Variants in GK5 observed in about 807,000 individuals in gnomAD.
GK5 encodes glycerol kinase 5, also known as ATP:glycerol 3-phosphotransferase 5.
GK5 carries 39 observed loss-of-function variants against 77.3 expected under a neutral mutation model. The ratio of observed to expected loss-of-function variants is 0.50; its 90% CI spans 0.39 to 0.66. The LOEUF is 0.66. Among genes scored for constraint, GK5 ranks in the 30% least tolerant of loss-of-function variants. The probability of loss-of-function intolerance (pLI) is 0.00; values close to 1 mark genes in which losing one functional copy is unlikely to be tolerated. For missense variants in GK5, 487 were observed against 633.8 expected, an observed-to-expected ratio of 0.77 and a Z score of 2.49; for synonymous variants, 211 against 208.0, an observed-to-expected ratio of 1.01 and a Z score of -0.13.
Position 142,161,384 on chromosome 3 carries a change from T to C in GK5, c.*4238A>G, listed in dbSNP as rs1017328709. 2 of 152,212 alleles carry C rather than the reference T, an allele frequency of 1.3e-5. No individual in the cohort carries two copies. Among genetic ancestry groups the C allele is most frequent in the Non-Finnish European group, 1.5e-5 (1 of 68,048 alleles). The allele number at this position is 152,212 out of a possible 1,614,324, so 9.4% of individuals were successfully genotyped here. A position where few individuals can be genotyped will look rare whatever the true frequency, so the allele number is the denominator to read the frequency against. On this transcript the variant is annotated 3_prime_UTR_variant, in exon 16 of 16. Transcript: ENST00000392993. ...TCCCAAAGTGCTGGGAAGAGTATAG[T>C]TCTTCTTAATCCAACAAAAAAGTAT...
intron 11 of GK5, 61 bp downstream of exon 11, chr3:142,181,400 C>G (rs1164633141): frequency 1.4e-5 from 13 of 932,418 alleles, no homozygotes; most frequent in Non-Finnish European, 2.2e-5. Context: ...AATCTGCAAT[C>G]CTGTGGCATT....
chr3:142,178,807 T>G (rs1361728408), intron 11 of GK5, among the ~76,000 whole-genome samples: 3 of 152,212 alleles, frequency 2.0e-5, no homozygotes, highest in Non-Finnish European at 4.4e-5. Context: ...AGTTCTAAGG[T>G]CTTCACATTT....
rs747274127 is a variant in GK5, at chr3:142,225,420, C to A, written c.36G>T (p.Ala12=). The A allele has an allele frequency of 1.9e-6, 3 of 1,601,480 alleles. No homozygotes were observed. The highest frequency in any genetic ancestry group is 2.5e-6 in the Non-Finnish European group (3 of 1,176,756). ...CGAAGCCGGGGTACCGCGGCTCCTGCGCTCTCTGCTCCGGGTCCGTGAGCA... is the reference window on the plus strand; with the variant it reads ...CGAAGCCGGGGTACCGCGGCTCCTGAGCTCTCTGCTCCGGGTCCGTGAGCA... ...SGLLTDPEQR[A]QEPRYPGFVL... is the part of the protein sequence containing the mutation. Residue 12 remains alanine, a synonymous_variant, in exon 1 of 16, where the codon GCG becomes GCT. Transcript: ENST00000392993.
rs143338048 is a variant in GK5 at position 142,195,654 on chromosome 3, G to C, written c.543+3148C>G. Among the ~76,000 whole-genome samples, 142 of 152,254 alleles carry C rather than the reference G, an allele frequency of 9.3e-4. 1 individual carries two copies. The highest frequency in any genetic ancestry group is 3.3e-3 in the African/African-American group (136 of 41,556). ...GGCATGAGCCACCACACCCAGCCTT[G>C]TTGAGGATTTTTGCATTTGTATTCA... On this transcript the variant is annotated intron_variant, in intron 5 of 15. Coordinates refer to ENST00000392993, the MANE Select transcript of GK5 (RefSeq NM_001039547.3).
At chr3:142,223,645 C>A (rs2107802529) in intron 1 of GK5, among the ~76,000 whole-genome samples, 1 of 152,304 alleles carries the variant, frequency 6.6e-6, no homozygotes, top group East Asian at 1.9e-4. Context: ...TCAAGACCAG[C>A]CTGGCCAACA....
intron 6 of GK5, among the ~76,000 whole-genome samples, chr3:142,187,037 G>A (rs908947050): frequency 3.9e-5 from 6 of 152,028 alleles, no homozygotes; most frequent in Admixed American, 1.3e-4. Context: ...GTCACTTTAC[G>A]ATCCCCCAGT....
chr3:142,173,832 G>C (rs2063573595), intron 12 of GK5, among the ~76,000 whole-genome samples: 1 of 152,212 alleles, frequency 6.6e-6, no homozygotes, highest in Admixed American at 6.5e-5. Flanking sequence ...AGGACATCCA[G>C]CGCTGTCAGG....
intron 5 of GK5, among the ~76,000 whole-genome samples, chr3:142,191,298 G>T (rs1443855281): frequency 6.6e-6 from 1 of 151,972 alleles, no homozygotes; most frequent in Non-Finnish European, 1.5e-5. Flanking sequence ...AAAGTGCTGG[G>T]ATTACAGGCA....
intron 5 of GK5, among the ~76,000 whole-genome samples, chr3:142,194,826 T>TA (rs1316947160): frequency 5.3e-5 from 8 of 150,966 alleles, no homozygotes; most frequent in Non-Finnish European, 8.8e-5. Context: ...ATCATAGAGA[T>TA]AGTTTTACTC....
At chr3:142,184,468 C>T (rs549724938) in intron 9 of GK5, among the ~76,000 whole-genome samples, 2 of 151,646 alleles carry the variant, frequency 1.3e-5, no homozygotes, top group South Asian at 4.2e-4. Context: ...CATCTATTTC[C>T]CAACCATACA....
chr3:142,187,211 C>T (rs1163417258), intron 6 of GK5, among the ~76,000 whole-genome samples: 1 of 151,988 alleles, frequency 6.6e-6, no homozygotes, highest in East Asian at 1.9e-4. Flanking sequence ...AATTGTCCTC[C>T]TCTTATAATA....
intron 5 of GK5, among the ~76,000 whole-genome samples, chr3:142,195,110 T>C (rs192726167): frequency 4.1e-4 from 63 of 152,178 alleles, no homozygotes; most frequent in East Asian, 3.7e-3. Flanking sequence ...TTTTTCTATA[T>C]CTACTGACAT....
rs1004000357 is a variant in GK5 at position 142,159,034 on chromosome 3, T to C, written c.*6588A>G. 6 of 152,134 alleles carry C rather than the reference T, an allele frequency of 3.9e-5. No homozygotes were observed. The highest frequency in any genetic ancestry group is 8.8e-5 in the Non-Finnish European group (6 of 68,016). The allele number at this position is 152,134 out of a possible 1,614,324, so 9.4% of individuals were successfully genotyped here. A position where few individuals can be genotyped will look rare whatever the true frequency, so the allele number is the denominator to read the frequency against. ...CCACTGGACTGACTTTTAAAAACTTTAAAAAAGATATTTAAAGATATGGCT... is the reference window on the plus strand; with the variant it reads ...CCACTGGACTGACTTTTAAAAACTTCAAAAAAGATATTTAAAGATATGGCT... On this transcript the variant is annotated 3_prime_UTR_variant, in exon 16 of 16. Transcript: ENST00000392993.
At chr3:142,183,967 G>C (rs899711540) in intron 9 of GK5, among the ~76,000 whole-genome samples, 245 of 151,962 alleles carry the variant, frequency 1.6e-3, no homozygotes, top group African/African-American at 5.7e-3. Flanking sequence ...TCTTAGAAAT[G>C]AAGGTAAGAG....
At chr3:142,205,248 A>G (rs2064087566) in intron 3 of GK5, among the ~76,000 whole-genome samples, 1 of 152,178 alleles carries the variant, frequency 6.6e-6, no homozygotes, top group South Asian at 2.1e-4. Context: ...CAATAAATAG[A>G]AATTCAACAA....
chr3:142,213,524 A>C lies in GK5; in HGVS notation c.317+2T>G. 2 of 1,576,740 alleles carry C rather than the reference A, an allele frequency of 1.3e-6. No homozygotes were observed. The highest frequency in any genetic ancestry group is 1.7e-6 in the Non-Finnish European group (2 of 1,146,018). On this transcript the variant is annotated splice_donor_variant, in intron 3 of 15. Transcript: ENST00000392993. LOFTEE classifies it high-confidence loss of function. ...AGGGTGCTTATCACAGAATGTACTT[A>C]CTTGTTCCACGTAATAAAAGTTGCT...
chr3:142,219,976 A>G (rs1220608542), intron 1 of GK5, among the ~76,000 whole-genome samples: 1 of 152,216 alleles, frequency 6.6e-6, no homozygotes, highest in Admixed American at 6.5e-5. Flanking sequence ...CAATCAATCA[A>G]TCAATAAACA....
Position 142,186,499 on chromosome 3 carries a change from TG to T in GK5, c.633del (p.Thr212GlnfsTer22). 1 of 1,544,732 alleles carries T rather than the reference TG, an allele frequency of 6.5e-7. No homozygotes were observed. The highest frequency in any genetic ancestry group is 8.8e-7 in the Non-Finnish European group (1 of 1,138,268). ...GTTGTACTAGCATTTGAAAAATCTG[TG>T]GCATATACAGAACCTAAATTTAAAT... ...LYKLTKGSVYATDFSNASTTG... is the reference protein window; with the variant it reads ...LYKLTKGSVYXTDFSNASTTG... On this transcript the variant is annotated frameshift_variant, in exon 7 of 16. Coordinates refer to ENST00000392993, the MANE Select transcript of GK5 (RefSeq NM_001039547.3). LOFTEE classifies it high-confidence loss of function.
intron 1 of GK5, among the ~76,000 whole-genome samples, chr3:142,223,395 C>T (rs781193326): frequency 1.3e-5 from 2 of 152,144 alleles, no homozygotes; most frequent in Non-Finnish European, 2.9e-5. Context: ...AATGAGTACC[C>T]AGTCACTGAA....
Sources: gnomAD v4.1 joint callset for allele counts (sites outside exome capture counted in the v4.1 genomes callset) on GRCh38, gnomAD v4.1.1 for gene constraint, MANE v1.5 for transcripts, NCBI Gene and HGNC (gene_info 2026-07-23, HGNC 2026-07-21) for gene names.